The following GRID2 variants were observed in gnomAD, a reference collection of about 807,000 sequenced individuals.
GRID2 encodes the protein glutamate receptor ionotropic, delta-2.
A neutral mutation model predicts 114.8 loss-of-function variants in GRID2; 33 were observed. The ratio of observed to expected loss-of-function variants is 0.29; its 90% CI spans 0.22 to 0.38. The LOEUF is 0.38. GRID2 is among the 10% of genes least tolerant of loss of function. The probability of loss-of-function intolerance (pLI) is 1.00; values close to 1 mark genes in which losing one functional copy is unlikely to be tolerated. For missense variants in GRID2, 1,184 were observed against 1,257.7 expected (o/e 0.94, Z 0.89); for synonymous variants, 505 against 449.9 (o/e 1.12, Z -1.55).
chr4:92,981,855 C>T (rs1443021834), intron 2 of GRID2, among the ~76,000 whole-genome samples: 2 of 151,170 alleles, frequency 1.3e-5, no homozygotes, highest in Admixed American at 1.3e-4. Flanking sequence ...CTTTGTTAAA[C>T]TGGGAAAACG....
intron 13 of GRID2, among the ~76,000 whole-genome samples, chr4:93,532,235 T>C (rs770898018): frequency 6.6e-6 from 1 of 152,158 alleles, no homozygotes; most frequent in Non-Finnish European, 1.5e-5. Flanking sequence ...ATCTCCTGAG[T>C]GTCTGGGGTT....
chr4:93,345,853 C>T (rs2149253322), intron 8 of GRID2, among the ~76,000 whole-genome samples: 1 of 152,208 alleles, frequency 6.6e-6, no homozygotes, highest in Non-Finnish European at 1.5e-5. Context: ...TTTCATTCAT[C>T]TGCATGTGGA....
chr4:92,830,317 A>G (rs1742016784), intron 2 of GRID2, among the ~76,000 whole-genome samples: 1 of 151,576 alleles, frequency 6.6e-6, no homozygotes, highest in Admixed American at 6.6e-5. Context: ...TTATTCTGAA[A>G]GACTCCTTAT....
chr4:92,762,827 C>T (rs1738084562), intron 2 of GRID2, among the ~76,000 whole-genome samples: 1 of 152,202 alleles, frequency 6.6e-6, no homozygotes, highest in Non-Finnish European at 1.5e-5. Context: ...TTCCCAGCCA[C>T]ACTGACGTAG....
chr4:92,384,359 T>A (rs1346059627), intron 1 of GRID2, among the ~76,000 whole-genome samples: 1 of 134,450 alleles, frequency 7.4e-6, no homozygotes, highest in Non-Finnish European at 1.6e-5. Context: ...TGTGTCTACA[T>A]TCTGTGAATC....
intron 2 of GRID2, among the ~76,000 whole-genome samples, chr4:92,912,588 A>G (rs968742974): frequency 6.6e-6 from 1 of 151,890 alleles, no homozygotes; most frequent in Admixed American, 6.6e-5. Flanking sequence ...TCAGCAAAAA[A>G]CACTTATGTC....
chr4:93,083,695 C>CAAA (rs34205612), intron 2 of GRID2, among the ~76,000 whole-genome samples: 22 of 75,708 alleles, frequency 2.9e-4, no homozygotes, highest in East Asian at 7.5e-4. Context: ...GACTCCATCT[C>CAAA]AAAAAAAAAA....
chr4:93,431,957 A>C (rs1769457854), intron 10 of GRID2, among the ~76,000 whole-genome samples: 1 of 152,152 alleles, frequency 6.6e-6, no homozygotes, highest in South Asian at 2.1e-4. Flanking sequence ...GTATGTTAAT[A>C]ATAGATAGGC....
chr4:93,594,441 C>A (rs1044255764), intron 13 of GRID2, among the ~76,000 whole-genome samples: 4 of 152,298 alleles, frequency 2.6e-5, no homozygotes. Context: ...ACTGGGAGAA[C>A]CACTGCTCTC....
At chr4:92,644,026 G>A (rs183291281) in intron 2 of GRID2, among the ~76,000 whole-genome samples, 20 of 151,668 alleles carry the variant, frequency 1.3e-4, no homozygotes, top group Admixed American at 8.6e-4. Flanking sequence ...TGCAAGTAGA[G>A]ATTAGTTATC....
chr4:93,221,776 A>G (rs1161693468), intron 6 of GRID2, among the ~76,000 whole-genome samples: 1 of 152,146 alleles, frequency 6.6e-6, no homozygotes, highest in East Asian at 1.9e-4. Context: ...GGGGTAATGA[A>G]AAGCTCAGGG....
At chr4:93,007,242 A>G (rs1429378479) in intron 2 of GRID2, among the ~76,000 whole-genome samples, 1 of 152,036 alleles carries the variant, frequency 6.6e-6, no homozygotes, top group Non-Finnish European at 1.5e-5. Context: ...ATAACTGAAG[A>G]AAGTTTTTTA....
At chr4:93,124,778 C>A (rs1327734489) in intron 4 of GRID2, among the ~76,000 whole-genome samples, 1 of 152,084 alleles carries the variant, frequency 6.6e-6, no homozygotes, top group Non-Finnish European at 1.5e-5. Flanking sequence ...AGGGAAAAAA[C>A]TGTCTTGACA....
intron 1 of GRID2, among the ~76,000 whole-genome samples, chr4:92,515,255 T>C (rs902475804): frequency 6.6e-6 from 1 of 151,940 alleles, no homozygotes; most frequent in African/African-American, 2.4e-5. Flanking sequence ...TGTTCCTACA[T>C]AGAATTCACC....
chr4:93,739,497 G>C (rs1327603006), intron 14 of GRID2, among the ~76,000 whole-genome samples: 1 of 151,980 alleles, frequency 6.6e-6, no homozygotes, highest in Non-Finnish European at 1.5e-5. Context: ...AATTCCTAAA[G>C]GGGAGAAAAA....
chr4:93,535,970 C>T (rs961229374), intron 13 of GRID2, among the ~76,000 whole-genome samples: 7 of 151,868 alleles, frequency 4.6e-5, no homozygotes, highest in African/African-American at 1.4e-4. Flanking sequence ...AATATCTTAA[C>T]ATAAATTTAT....
intron 1 of GRID2, among the ~76,000 whole-genome samples, chr4:92,584,578 T>A (rs1728334830): frequency 2.0e-5 from 3 of 152,036 alleles, no homozygotes; most frequent in South Asian, 2.1e-4. Context: ...TTAAATTTCA[T>A]GTAAAACTAG....
chr4:93,607,789 T>A (rs1740409623), intron 13 of GRID2, among the ~76,000 whole-genome samples: 2 of 152,136 alleles, frequency 1.3e-5, no homozygotes, highest in South Asian at 4.1e-4. Flanking sequence ...GTATTTTTCA[T>A]ATGCTGTTGG....
chr4:93,527,979 G>C (rs1334439336), intron 13 of GRID2, among the ~76,000 whole-genome samples: 1 of 151,868 alleles, frequency 6.6e-6, no homozygotes, highest in South Asian at 2.1e-4. Context: ...TTTTTGACGG[G>C]CTTTCTTCAC....
Sources: allele counts gnomAD v4.1 joint callset (sites outside exome capture counted in the v4.1 genomes callset), GRCh38; gene constraint gnomAD v4.1.1; transcripts MANE v1.5; gene names NCBI Gene and HGNC (gene_info 2026-07-23, HGNC 2026-07-21).